The following SPIDR variants were observed in gnomAD, a reference collection of about 807,000 sequenced individuals.
The protein encoded by SPIDR is DNA repair-scaffolding protein.
In SPIDR, 93 loss-of-function variants were observed where a neutral mutation model predicts 104.6. The ratio of observed to expected loss-of-function variants is 0.89; its 90% CI spans 0.75 to 1.06. The LOEUF is 1.06. Ranked by LOEUF, SPIDR falls within the 50% of genes least tolerant of loss-of-function variation. SPIDR has a pLI of 0.00. For missense variants in SPIDR, 1,154 were observed against 1,111.2 expected (o/e 1.04, Z -0.55); for synonymous variants, 431 against 416.9 (o/e 1.03, Z -0.41).
At chr8:47,527,404 T>C (rs989908382) in intron 8 of SPIDR, 30 of 152,324 alleles carry the variant, frequency 2.0e-4, no homozygotes, top group African/African-American at 7.2e-4. Context: ...GACCTCATCA[T>C]AGGACTATAG....
chr8:47,388,279 A>G (rs574525069), intron 5 of SPIDR: 3 of 152,964 alleles, frequency 2.0e-5, no homozygotes, highest in South Asian at 4.1e-4. Flanking sequence ...TCTCTATTCC[A>G]TAATACCTTG....
chr8:47,466,209 C>T (rs2074748931), intron 8 of SPIDR, among the ~76,000 whole-genome samples: 1 of 152,144 alleles, frequency 6.6e-6, no homozygotes, highest in Non-Finnish European at 1.5e-5. Context: ...CCAAAAGCTA[C>T]AGAATATACA....
In SPIDR at chr8:47,480,919, C is replaced by T. The variant is rs564445293; in HGVS notation, c.1097+40377C>T. On this transcript the variant is annotated intron_variant, in intron 8 of 19. Transcript: ENST00000297423. ...TGGTAATTTTATTAACCTTGCTGGA[C>T]CTTATGGAATGTTGATAAAAGCAAC... 1.8e-4 allele frequency among the ~76,000 whole-genome samples: 28 copies of T among 152,184 alleles called. 1 individual carries two copies. The South Asian group carries it at 5.8e-3, about 32-fold the overall frequency.
At position 47,267,304 on chromosome 8, in the gene SPIDR, G is replaced by A. The variant is rs537564488; in HGVS notation, c.33+6313G>A. On this transcript the variant is annotated intron_variant, in intron 1 of 19. Transcript: ENST00000297423. ...TTCTCAAGGTGTTGGGATTACATCCGTGAGCCATCGCACCTGGCCTGCGTT... is the reference window on the plus strand; with the variant it reads ...TTCTCAAGGTGTTGGGATTACATCCATGAGCCATCGCACCTGGCCTGCGTT... Among the ~76,000 whole-genome samples, 20 of 152,244 alleles carry A rather than the reference G, an allele frequency of 1.3e-4. No individual in the cohort carries two copies. In the South Asian group the frequency reaches 1.7e-3, roughly 13 times the overall value.
At chr8:47,304,182 G>A (rs1476160927) in intron 5 of SPIDR, among the ~76,000 whole-genome samples, 1 of 152,020 alleles carries the variant, frequency 6.6e-6, no homozygotes, top group Non-Finnish European at 1.5e-5. Flanking sequence ...ATTAAAATAG[G>A]GGACTAATAT....
At chr8:47,305,169 G>A (rs2042905942) in intron 5 of SPIDR, among the ~76,000 whole-genome samples, 1 of 152,210 alleles carries the variant, frequency 6.6e-6, no homozygotes. Context: ...ACATAGCAGT[G>A]AATTCTCATA....
At chr8:47,575,601 C>G (rs868540298) in intron 8 of SPIDR, among the ~76,000 whole-genome samples, 1 of 145,078 alleles carries the variant, frequency 6.9e-6, no homozygotes, top group Non-Finnish European at 1.5e-5. Flanking sequence ...GAGCCGAGAT[C>G]GCGCCACTGC....
At chr8:47,509,897 TTATGCACATACCACA>T (rs1202438744) in intron 8 of SPIDR, among the ~76,000 whole-genome samples, 1 of 151,820 alleles carries the variant, frequency 6.6e-6, no homozygotes. Flanking sequence ...CACATACCAC[TTATGCACATACCACA>T]CACATGCACA....
intron 8 of SPIDR, chr8:47,592,132 GA>G (rs1307065686): frequency 7.2e-7 from 1 of 1,396,294 alleles, no homozygotes; most frequent in Non-Finnish European, 1.0e-6. Flanking sequence ...CACACTTGAT[GA>G]TCGGATCAAT....
intron 8 of SPIDR, among the ~76,000 whole-genome samples, chr8:47,584,930 C>A (rs1662147778): frequency 6.6e-6 from 1 of 152,078 alleles, no homozygotes; most frequent in African/African-American, 2.4e-5. Context: ...TTTTCCTTAT[C>A]TCTGGGTTAC....
At chr8:47,346,146 C>G (rs1410679106) in intron 5 of SPIDR, among the ~76,000 whole-genome samples, 1 of 152,086 alleles carries the variant, frequency 6.6e-6, no homozygotes, top group Non-Finnish European at 1.5e-5. Flanking sequence ...CCATCAATAC[C>G]TAGTTTATTG....
At chr8:47,270,515 A>G (rs1373036186) in intron 1 of SPIDR, among the ~76,000 whole-genome samples, 2 of 152,034 alleles carry the variant, frequency 1.3e-5, no homozygotes, top group Non-Finnish European at 2.9e-5. Context: ...TTTGTAGTTT[A>G]AATCTTCTCT....
chr8:47,653,814 C>T (rs1380864954), intron 10 of SPIDR, among the ~76,000 whole-genome samples: 1 of 151,208 alleles, frequency 6.6e-6, no homozygotes, highest in African/African-American at 2.4e-5. Context: ...AAAAGAGCTC[C>T]TCAAGTTATT....
At chr8:47,641,097 A>G (rs549652946) in intron 10 of SPIDR, among the ~76,000 whole-genome samples, 41 of 152,088 alleles carry the variant, frequency 2.7e-4, no homozygotes, top group African/African-American at 8.7e-4. Context: ...ATGTTTTTAA[A>G]TAAGCAAATG....
chr8:47,284,721 C>A (rs1032918709), intron 3 of SPIDR, among the ~76,000 whole-genome samples: 1 of 152,100 alleles, frequency 6.6e-6, no homozygotes, highest in Non-Finnish European at 1.5e-5. Context: ...GGATTTTCGC[C>A]AAGTCAGCTT....
intron 9 of SPIDR, among the ~76,000 whole-genome samples, chr8:47,596,984 A>G (rs2061692740): frequency 6.6e-6 from 1 of 152,176 alleles, no homozygotes; most frequent in Admixed American, 6.5e-5. Context: ...GGACAGTAAC[A>G]TGCATGAAGC....
At chr8:47,263,027 A>G (rs1018358237) in intron 1 of SPIDR, among the ~76,000 whole-genome samples, 5 of 152,216 alleles carry the variant, frequency 3.3e-5, no homozygotes, top group Admixed American at 3.3e-4. Context: ...CTTTATATGT[A>G]TTAACTAATT....
At chr8:47,336,920 AT>A (rs1215279208) in intron 5 of SPIDR, among the ~76,000 whole-genome samples, 1 of 152,120 alleles carries the variant, frequency 6.6e-6, no homozygotes, top group Non-Finnish European at 1.5e-5. Context: ...GTTTCTCCAT[AT>A]TCTTATCAAC....
chr8:47,302,538 C>T (rs147302483), intron 5 of SPIDR, among the ~76,000 whole-genome samples: 1 of 152,084 alleles, frequency 6.6e-6, no homozygotes, highest in South Asian at 2.1e-4. Flanking sequence ...TTAGAGTTTC[C>T]AGTTTTTCTG....
Sources: gnomAD v4.1 joint callset for allele counts (sites outside exome capture counted in the v4.1 genomes callset) on GRCh38, gnomAD v4.1.1 for gene constraint, MANE v1.5 for transcripts, NCBI Gene and HGNC (gene_info 2026-07-23, HGNC 2026-07-21) for gene names.